Variants in DPYS observed in about 807,000 individuals in gnomAD.
DPYS encodes the protein dihydropyrimidine amidohydrolase.
A neutral mutation model predicts 50.3 loss-of-function variants in DPYS; 39 were observed. That is an observed-to-expected ratio of 0.78 (90% CI 0.60 to 1.01). The LOEUF (loss-of-function observed/expected upper bound fraction) is 1.01, where lower values mean the gene tolerates loss of function less well. Ranked by LOEUF, DPYS falls within the 50% of genes least tolerant of loss-of-function variation. The pLI, the probability that DPYS is intolerant of heterozygous loss-of-function variation, is 0.00. For synonymous variants in DPYS, 245 were observed against 250.7 expected (o/e 0.98, Z 0.22); for missense variants, 659 against 680.9 (o/e 0.97, Z 0.36).
At chr8:104,447,136 G>A (rs1813556169) in intron 3 of DPYS, among the ~76,000 whole-genome samples, 188 bp downstream of exon 3, 1 of 152,080 alleles carries the variant, frequency 6.6e-6, no homozygotes. Flanking sequence ...CTGAGAGCAG[G>A]GACTCAAGGA....
At chr8:104,443,493 T>G (rs536429225) in intron 4 of DPYS, among the ~76,000 whole-genome samples, 81 of 152,346 alleles carry the variant, frequency 5.3e-4, no homozygotes, top group African/African-American at 1.9e-3. Flanking sequence ...ATCAATTCAA[T>G]TCAAAAGAAA....
chr8:104,453,370 T>C (rs1015940360), intron 1 of DPYS, among the ~76,000 whole-genome samples: 1 of 152,196 alleles, frequency 6.6e-6, no homozygotes, highest in African/African-American at 2.4e-5. Flanking sequence ...ATTAATCTTC[T>C]TACCTTCTTC....
intron 7 of DPYS, among the ~76,000 whole-genome samples, chr8:104,406,740 A>G (rs1409078472): frequency 1.3e-5 from 2 of 152,196 alleles, no homozygotes; most frequent in Non-Finnish European, 2.9e-5. Context: ...TCCAGTCCCT[A>G]TGAGTGTGGA....
rs1192169233 is a variant in DPYS at position 104,393,204 on chromosome 8, C to A, written c.1236-213G>T. On this transcript the variant is annotated intron_variant, in intron 7 of 9. Coordinates refer to ENST00000351513, the MANE Select transcript of DPYS (RefSeq NM_001385.3). ...TTTCTGAGAGAAAAACCCAAGAGATCACTCTTTAAGGTGATTAATGAGGGT... is the reference window on the plus strand; with the variant it reads ...TTTCTGAGAGAAAAACCCAAGAGATAACTCTTTAAGGTGATTAATGAGGGT... Among the ~76,000 whole-genome samples, 10 of 152,184 alleles carry A rather than the reference C, an allele frequency of 6.6e-5. 1 individual carries two copies. Among genetic ancestry groups the A allele is most frequent in the Non-Finnish European group, 7.3e-5 (5 of 68,032 alleles).
chr8:104,436,557 C>G (rs1348137195), intron 4 of DPYS, among the ~76,000 whole-genome samples: 1 of 152,022 alleles, frequency 6.6e-6, no homozygotes, highest in Non-Finnish European at 1.5e-5. Flanking sequence ...TTGCAGTGAG[C>G]CGAGATTGTG....
chr8:104,420,443 C>T (rs1316034109), intron 7 of DPYS: 3 of 152,088 alleles, frequency 2.0e-5, no homozygotes, highest in African/African-American at 4.8e-5. Context: ...ACAACAAACA[C>T]GCTTTCTCCT....
Position 104,381,261 on chromosome 8 carries a change from T to G in DPYS, c.1497A>C (p.Thr499=). The G allele has an allele frequency of 6.2e-7, 1 of 1,614,190 alleles. No homozygotes were observed. The highest frequency in any genetic ancestry group is 1.1e-5 in the South Asian group (1 of 91,090). ...CTTCTTTTGTCACTCTGGATTTCAG[T>G]GTGGCGACTTCTCCCTTATAGGGTG... is the stretch of plus-strand genomic sequence containing the variant. ...ERAPYKGEVA[T]LKSRVTKEDA... is the part of the protein sequence containing the mutation. Residue 499 remains threonine (T), a synonymous_variant, in exon 9 of 10, where the codon ACA becomes ACC. Coordinates refer to ENST00000351513, the MANE Select transcript of DPYS (RefSeq NM_001385.3).
chr8:104,394,341 G>A (rs1811506419), intron 7 of DPYS, among the ~76,000 whole-genome samples: 2 of 152,056 alleles, frequency 1.3e-5, no homozygotes, highest in Admixed American at 6.5e-5. Flanking sequence ...ATCCCAACAT[G>A]CTCAGACAGA....
At position 104,428,099 on chromosome 8, in the gene DPYS, T is replaced by A. The variant is rs1394315940; in HGVS notation, c.973A>T (p.Thr325Ser). 2 of 1,614,098 alleles carry A rather than the reference T, an allele frequency of 1.2e-6. No individual in the cohort carries two copies. The highest frequency in any genetic ancestry group is 4.5e-5 in the East Asian group (2 of 44,892). Residue 325 changes from threonine (T) to serine (S), a missense_variant, in exon 6 of 10, where the codon ACT becomes TCT. By Grantham distance (58) the Thr-to-Ser change is moderately conservative. Transcript: ENST00000351513. ...CAGGTGTTGAAAGTGCAGTTATCAG[T>A]CCCTGTTGTGGTTAGATCATCACTG... ...LANDDLTTTG[T>S]DNCTFNTCQK...
chr8:104,453,667 CA>C (rs1196313336), intron 1 of DPYS, among the ~76,000 whole-genome samples: 3 of 152,166 alleles, frequency 2.0e-5, no homozygotes, highest in Admixed American at 6.5e-5. Context: ...AGAGTTACCA[CA>C]AGACCAAGCA....
rs144263358 is a variant in DPYS at position 104,444,394 on chromosome 8, C to T, written c.647G>A (p.Gly216Asp). The T allele has an allele frequency of 2.4e-5, 39 of 1,614,124 alleles. No homozygotes were observed. The highest frequency in any genetic ancestry group is 3.3e-4 in the Middle Eastern group (2 of 6,084). The change falls in exon 4 of 10, where the codon GGC (glycine) becomes GAC (aspartate). Residue 216 changes from glycine (G) to aspartate (D), a missense_variant. By Grantham distance (94) the Gly-to-Asp change is moderately conservative. Transcript: ENST00000351513. ...TGCCTCTGGGCGGCACAGCTCGTGG[C>T]CCTCAGGGCCTGTTATCCCCAGAGC... ...MLALGITGPEGHELCRPEAVE... is the reference protein window; with the variant it reads ...MLALGITGPEDHELCRPEAVE...
rs191278364 is a variant in DPYS at position 104,399,651 on chromosome 8, C to T, written c.1236-6660G>A. 1.2e-3 allele frequency among the ~76,000 whole-genome samples: 184 copies of T among 151,800 alleles called. 5 individuals are homozygous for T. In the East Asian group the frequency reaches 0.031, roughly 25 times the overall value. On this transcript the variant is annotated intron_variant, in intron 7 of 9. Coordinates refer to ENST00000351513, the MANE Select transcript of DPYS (RefSeq NM_001385.3). The stretch of plus-strand genomic sequence containing the variant: ...TTGGGAGGCCGAGGTGGGTGGATCA[C>T]GAGATCAGGAGATTGAGACCATCCT...
intron 4 of DPYS, among the ~76,000 whole-genome samples, chr8:104,431,305 G>C (rs1401178852): frequency 6.6e-6 from 1 of 151,962 alleles, no homozygotes; most frequent in African/African-American, 2.4e-5. Context: ...AGTCTGCCAG[G>C]ACTGTTTTGA....
chr8:104,396,539 A>G (rs1811592058), intron 7 of DPYS, among the ~76,000 whole-genome samples: 1 of 152,224 alleles, frequency 6.6e-6, no homozygotes, highest in Admixed American at 6.5e-5. Context: ...ATGAAAGACT[A>G]GAATTAAAAA....
At chr8:104,452,558 T>C (rs1813782954) in intron 1 of DPYS, among the ~76,000 whole-genome samples, 1 of 152,204 alleles carries the variant, frequency 6.6e-6, no homozygotes, top group African/African-American at 2.4e-5. Flanking sequence ...ACAGAGTGCT[T>C]AGGTCCAGGC....
chr8:104,407,439 A>G (rs1812033487), intron 7 of DPYS, among the ~76,000 whole-genome samples: 2 of 152,258 alleles, frequency 1.3e-5, no homozygotes, highest in South Asian at 4.1e-4. Context: ...GGAAAACATT[A>G]GAAAAAAGGA....
At chr8:104,429,440 G>T in intron 5 of DPYS, 105 bp downstream of exon 5, 2 of 1,492,944 alleles carry the variant, frequency 1.3e-6, no homozygotes, top group South Asian at 1.2e-5. Flanking sequence ...TCAAGTAGAA[G>T]AGAATACTGG....
chr8:104,420,638 T>C (rs1158305653), intron 7 of DPYS: 3 of 139,606 alleles, frequency 2.1e-5, no homozygotes, highest in Non-Finnish European at 4.6e-5. Context: ...GTCAAATAAG[T>C]CAAAGAAATC....
intron 8 of DPYS, among the ~76,000 whole-genome samples, chr8:104,384,887 A>C (rs915030865): frequency 2.6e-5 from 4 of 152,184 alleles, no homozygotes; most frequent in African/African-American, 9.7e-5. Flanking sequence ...TGTTCTCCTG[A>C]TGGTCTTCCT....
Sources: gnomAD v4.1 joint callset for allele counts (sites outside exome capture counted in the v4.1 genomes callset) on GRCh38, gnomAD v4.1.1 for gene constraint, MANE v1.5 for transcripts, NCBI Gene and HGNC (gene_info 2026-07-23, HGNC 2026-07-21) for gene names.